RNF150: variants seen among roughly 807,000 people sequenced by gnomAD.
RNF150 encodes the protein ring finger protein 150.
In RNF150, 24 loss-of-function variants were observed where a neutral mutation model predicts 39.3. That is an observed-to-expected ratio of 0.61 (90% confidence interval 0.44 to 0.86). The LOEUF (loss-of-function observed/expected upper bound fraction) is 0.86. RNF150 is among the 40% of genes least tolerant of loss of function. The pLI, the probability that RNF150 is intolerant of heterozygous loss-of-function variation, is 0.00. For missense variants in RNF150, 502 were observed against 587.8 expected, an observed-to-expected ratio of 0.85 and a Z score of 1.51; for synonymous variants, 255 against 227.3, an observed-to-expected ratio of 1.12 and a Z score of -1.10.
At chr4:140,871,752 C>G (rs913789021) in intron 6 of RNF150, among the ~76,000 whole-genome samples, 1 of 152,216 alleles carries the variant, frequency 6.6e-6, no homozygotes, top group Non-Finnish European at 1.5e-5. Context: ...TTGCAGCCAC[C>G]AGCCTCAGCA....
rs1266577438 is a variant in RNF150 at position 140,935,019 on chromosome 4, AT to A, written c.891-8947del. On this transcript the variant is annotated intron_variant, in intron 4 of 6. Coordinates refer to ENST00000515673, the MANE Select transcript of RNF150 (RefSeq NM_020724.2). The stretch of plus-strand genomic sequence containing the variant: ...TATATATATATATAAATATATATAT[AT>A]TATATATTTATAATATATATATATA... Among the ~76,000 whole-genome samples, 177 of 58,230 alleles carry A rather than the reference AT, an allele frequency of 3.0e-3. 2 individuals carry two copies. Among genetic ancestry groups the A allele is most frequent in the African/African-American group, 0.012 (163 of 13,190 alleles). The allele number at this position is 58,230 out of a possible 152,430, so 38.2% of individuals were successfully genotyped here. A position where few individuals can be genotyped will look rare whatever the true frequency, so the allele number is the denominator to read the frequency against.
At chr4:141,152,497 A>G (rs1578769075) in intron 1 of RNF150, among the ~76,000 whole-genome samples, 1 of 152,190 alleles carries the variant, frequency 6.6e-6, no homozygotes, top group South Asian at 2.1e-4. Flanking sequence ...AGTGCCATCC[A>G]TGTATTTATT....
chr4:140,980,308 GC>G (rs1364757561), intron 1 of RNF150, among the ~76,000 whole-genome samples: 1 of 152,080 alleles, frequency 6.6e-6, no homozygotes, highest in Non-Finnish European at 1.5e-5. Flanking sequence ...CTCTCAAAGT[GC>G]TGGGATTATA....
chr4:140,922,324 AAGAG>A (rs780335283), intron 5 of RNF150, among the ~76,000 whole-genome samples: 1 of 150,736 alleles, frequency 6.6e-6, no homozygotes, highest in Non-Finnish European at 1.5e-5. Context: ...ATACACCAAT[AAGAG>A]ACAAACAGAG....
chr4:141,208,368 A>G (rs191422809), intron 1 of RNF150, among the ~76,000 whole-genome samples: 3 of 152,318 alleles, frequency 2.0e-5, no homozygotes, highest in African/African-American at 7.2e-5. Context: ...AGCAAGGAAA[A>G]AAAAAGGCAA....
intron 6 of RNF150, among the ~76,000 whole-genome samples, chr4:140,892,584 G>A (rs1213604248): frequency 3.9e-5 from 6 of 152,298 alleles, no homozygotes; most frequent in Admixed American, 1.3e-4. Flanking sequence ...GCCAATTCAG[G>A]ACTTCCATAC....
At chr4:141,072,317 A>G (rs1284711062) in intron 1 of RNF150, among the ~76,000 whole-genome samples, 1 of 152,214 alleles carries the variant, frequency 6.6e-6, no homozygotes, top group Non-Finnish European at 1.5e-5. Flanking sequence ...AAACTGCATT[A>G]CCATAAACTT....
chr4:140,985,682 T>C (rs1026578737), intron 1 of RNF150, among the ~76,000 whole-genome samples: 1 of 152,158 alleles, frequency 6.6e-6, no homozygotes, highest in African/African-American at 2.4e-5. Context: ...AGACCTAGTA[T>C]AAAAATCTAA....
intron 1 of RNF150, among the ~76,000 whole-genome samples, chr4:141,045,314 C>T (rs879744460): frequency 6.6e-6 from 1 of 152,134 alleles, no homozygotes; most frequent in Non-Finnish European, 1.5e-5. Flanking sequence ...ACTGCAAAAA[C>T]CATTTTCACA....
chr4:141,163,309 G>C (rs79214861), intron 1 of RNF150, among the ~76,000 whole-genome samples: 9,576 of 152,280 alleles, frequency 0.063, 974 homozygotes, highest in African/African-American at 0.22. Context: ...CCAGTCAAGG[G>C]CTTATAGATA....
chr4:141,160,456 T>C (rs562049487), intron 1 of RNF150, among the ~76,000 whole-genome samples: 2 of 152,340 alleles, frequency 1.3e-5, no homozygotes, highest in South Asian at 4.1e-4. Flanking sequence ...CAAAGTATCA[T>C]TGTGAAACTT....
At chr4:140,960,736 A>C (rs539457235) in intron 2 of RNF150, among the ~76,000 whole-genome samples, 2 of 152,142 alleles carry the variant, frequency 1.3e-5, no homozygotes, top group Non-Finnish European at 2.9e-5. Context: ...ATTTTGTTTC[A>C]AAGTGTGTCA....
rs765084109 is a variant in RNF150 at position 140,862,678 on chromosome 4, A to G, written c.*5583T>C. The G allele has an allele frequency of 8.5e-5, 13 of 152,220 alleles. No homozygotes were observed. The highest frequency in any genetic ancestry group is 2.9e-5 in the Non-Finnish European group (2 of 68,028). The allele number at this position is 152,220 out of a possible 1,614,324, so 9.4% of individuals were successfully genotyped here. A position where few individuals can be genotyped will look rare whatever the true frequency, so the allele number is the denominator to read the frequency against. ...AGCTAAGGGATGATGAGAAACTCATATTAGCTTCTTAGAATTAATTTATTT... is the reference window on the plus strand; with the variant it reads ...AGCTAAGGGATGATGAGAAACTCATGTTAGCTTCTTAGAATTAATTTATTT... On this transcript the variant is annotated 3_prime_UTR_variant, in exon 7 of 7. Coordinates refer to ENST00000515673, the MANE Select transcript of RNF150 (RefSeq NM_020724.2).
chr4:141,078,230 T>C (rs1041533986), intron 1 of RNF150, among the ~76,000 whole-genome samples: 1 of 152,118 alleles, frequency 6.6e-6, no homozygotes, highest in Admixed American at 6.5e-5. Flanking sequence ...TGGGGTAAAT[T>C]GTGAATGGTG....
chr4:141,166,857 G>A (rs1727613785), intron 1 of RNF150, among the ~76,000 whole-genome samples: 1 of 152,112 alleles, frequency 6.6e-6, no homozygotes. Flanking sequence ...GGCAAAAGCT[G>A]GATGCATTCC....
At chr4:141,116,261 T>A (rs939518093) in intron 1 of RNF150, among the ~76,000 whole-genome samples, 2 of 152,072 alleles carry the variant, frequency 1.3e-5, no homozygotes, top group Non-Finnish European at 2.9e-5. Flanking sequence ...AGGGCTAATA[T>A]CCAGAATCTA....
chr4:140,984,472 C>T (rs1733959910), intron 1 of RNF150, among the ~76,000 whole-genome samples: 2 of 152,060 alleles, frequency 1.3e-5, no homozygotes, highest in South Asian at 4.1e-4. Flanking sequence ...GATCTCAAGT[C>T]TAGGATGGGA....
At chr4:141,186,963 T>C (rs986515200) in intron 1 of RNF150, among the ~76,000 whole-genome samples, 2 of 152,224 alleles carry the variant, frequency 1.3e-5, no homozygotes, top group Non-Finnish European at 2.9e-5. Flanking sequence ...CGATTATAGA[T>C]CTTTCCCACT....
chr4:140,921,314 C>G (rs1189420797), intron 5 of RNF150, among the ~76,000 whole-genome samples: 1 of 151,630 alleles, frequency 6.6e-6, no homozygotes, highest in East Asian at 1.9e-4. Flanking sequence ...GAAATACAAA[C>G]TACCATCAGA....
Sources: allele counts gnomAD v4.1 joint callset (sites outside exome capture counted in the v4.1 genomes callset), GRCh38; gene constraint gnomAD v4.1.1; transcripts MANE v1.5; gene names NCBI Gene and HGNC (gene_info 2026-07-23, HGNC 2026-07-21).